Variants in ANKRD26 observed in about 807,000 individuals in gnomAD.
ANKRD26 encodes the protein ankyrin repeat domain-containing protein 26.
ANKRD26 carries 141 observed loss-of-function variants against 208.7 expected under a neutral mutation model. That is an observed-to-expected ratio of 0.68 (90% CI 0.59 to 0.78). ANKRD26 has a LOEUF of 0.78. ANKRD26 is among the 30% of genes least tolerant of loss of function. ANKRD26 has a pLI of 0.00. For synonymous variants in ANKRD26, 636 were observed against 660.4 expected, an observed-to-expected ratio of 0.96 and a Z score of 0.57; for missense variants, 1,889 against 1,938.7, an observed-to-expected ratio of 0.97 and a Z score of 0.48.
intron 27 of ANKRD26, among the ~76,000 whole-genome samples, chr10:27,026,850 A>C (rs760545816): frequency 3.3e-5 from 5 of 151,660 alleles, no homozygotes; most frequent in Admixed American, 6.6e-5. Flanking sequence ...CCAATAGCAC[A>C]ATCTCGTCTC....
At chr10:27,040,806 G>A (rs2135253802) in intron 20 of ANKRD26, among the ~76,000 whole-genome samples, 1 of 152,068 alleles carries the variant, frequency 6.6e-6, no homozygotes, top group East Asian at 1.9e-4. Flanking sequence ...GAGGTGGGCG[G>A]ATCACCTGAG....
chr10:26,975,979 G>T (rs908384174), exon 6 of ANKRD26, among the ~76,000 whole-genome samples: 2 of 151,982 alleles, frequency 1.3e-5, no homozygotes, highest in African/African-American at 4.8e-5. Context: ...CTGGAAAATT[G>T]CATCCTATTC....
intron 5 of ANKRD26, among the ~76,000 whole-genome samples, chr10:27,085,877 C>T (rs1023392857): frequency 2.6e-5 from 4 of 152,144 alleles, no homozygotes; most frequent in African/African-American, 9.7e-5. Flanking sequence ...AACTTCCACT[C>T]AATGAGTAGT....
At chr10:26,968,863 A>T (rs1461298274), downstream of ANKRD26, among the ~76,000 whole-genome samples, 1 of 152,190 alleles carries the variant, frequency 6.6e-6, no homozygotes, top group African/African-American at 2.4e-5. Context: ...ATTAAATTTC[A>T]CCAGTGCCTT....
chr10:26,972,657 C>A (rs2052167565), downstream of ANKRD26, among the ~76,000 whole-genome samples: 1 of 138,376 alleles, frequency 7.2e-6, no homozygotes, highest in South Asian at 2.3e-4. Context: ...GTGGTGTGAT[C>A]TTGGCTCACT....
chr10:27,040,101 C>A lies in ANKRD26; in HGVS notation c.2239G>T (p.Glu747Ter), dbSNP rs752657803. 12 of 1,612,424 alleles carry A rather than the reference C, an allele frequency of 7.4e-6. No homozygotes were observed. Among genetic ancestry groups the A allele is most frequent in the South Asian group, 4.4e-5 (4 of 91,014 alleles). Reference protein sequence around the residue: ...RLLELKKNHCELLTVKIKKME... With the variant: ...RLLELKKNHC ...TTTTTAATTTTTACTGTAAGTAGTT[C>A]ACAGTGATTTTTTTTAAGTTCTAAT... The change falls in exon 21 of 34, where the codon GAA becomes TAA. Residue 747 changes from glutamate (E) to a stop codon, truncating the protein, a stop_gained. Coordinates refer to ENST00000376087, the MANE Select transcript of ANKRD26 (RefSeq NM_014915.3). LOFTEE classifies it high-confidence loss of function.
chr10:27,013,185 T>C, intron 31 of ANKRD26, 75 bp from the exon 32 acceptor site: 1 of 1,331,538 alleles, frequency 7.5e-7, no homozygotes. Context: ...TTGCAATTTT[T>C]AAAAAGTTAC....
the ANKRD26 span, among the ~76,000 whole-genome samples, chr10:26,952,006 T>C: frequency 5.9e-5 from 9 of 152,208 alleles, no homozygotes; most frequent in Non-Finnish European, 1.3e-4. Context: ...GTTTATCTCT[T>C]TTGCAGTCTT....
intron 4 of ANKRD26, among the ~76,000 whole-genome samples, chr10:27,091,745 T>A (rs1246403138): frequency 6.6e-6 from 1 of 152,148 alleles, no homozygotes; most frequent in Non-Finnish European, 1.5e-5. Flanking sequence ...TCCCAGTACT[T>A]TGGAAGGCCA....
At chr10:26,997,084 T>G (rs1257706381) in intron 4 of ANKRD26, among the ~76,000 whole-genome samples, 16 of 151,858 alleles carry the variant, frequency 1.1e-4, no homozygotes. Context: ...ACGGTCATTA[T>G]GGATGTTGAG....
the ANKRD26 span, among the ~76,000 whole-genome samples, chr10:26,960,658 T>C: frequency 1.3e-5 from 2 of 152,264 alleles, no homozygotes; most frequent in African/African-American, 4.8e-5. Flanking sequence ...TTTATTACTC[T>C]TTTGATAATC....
At chr10:26,995,031 A>G (rs1161133731) in intron 5 of ANKRD26, 2 of 470,886 alleles carry the variant, frequency 4.2e-6, no homozygotes, top group Non-Finnish European at 8.8e-6. Context: ...AATCAGACCC[A>G]TCTGCATACC....
At chr10:27,009,826 G>C (rs755542089) in intron 32 of ANKRD26, among the ~76,000 whole-genome samples, 3 of 152,004 alleles carry the variant, frequency 2.0e-5, no homozygotes, top group Non-Finnish European at 4.4e-5. Context: ...AGGTGGCGGA[G>C]GCAGCCTGAG....
intron 20 of ANKRD26, among the ~76,000 whole-genome samples, chr10:27,041,798 T>C (rs1349794998): frequency 6.7e-6 from 1 of 149,730 alleles, no homozygotes; most frequent in Admixed American, 6.6e-5. Flanking sequence ...AGAAAAAAAA[T>C]GTGAAGAAAA....
At chr10:26,964,781 T>C in the ANKRD26 span, among the ~76,000 whole-genome samples, 1 of 152,212 alleles carries the variant, frequency 6.6e-6, no homozygotes, top group African/African-American at 2.4e-5. Flanking sequence ...CATTTAAGGA[T>C]GGATATTAAT....
Position 27,100,127 on chromosome 10 carries a change from A to G in ANKRD26, c.200T>C (p.Leu67Ser). Residue 67 changes from leucine (L) to serine (S), a missense_variant, in exon 1 of 34, where the codon TTG becomes TCG. Leu to Ser is a moderately radical substitution (Grantham distance 145). Around this residue, in one of 3 missense-constraint regions of ANKRD26, gnomAD observed 1,272 missense variants for 1,273.8 expected, o/e 1.00. Transcript: ENST00000376087. Reference sequence around the variant, plus strand: ...ATCGTTCAAGCCATTCTTCCTGAGCAAAAGGATCTGCTGCACTTTCGCCAC... The same window carrying G: ...ATCGTTCAAGCCATTCTTCCTGAGCGAAAGGATCTGCTGCACTTTCGCCAC... ...GNVAKVQQIL[L>S]LRKNGLNDRD... The G allele has an allele frequency of 6.2e-7, 1 of 1,614,152 alleles. No individual in the cohort carries two copies. The highest frequency in any genetic ancestry group is 8.5e-7 in the Non-Finnish European group (1 of 1,179,984).
intron 29 of ANKRD26, among the ~76,000 whole-genome samples, chr10:27,020,662 T>C (rs1185510195): frequency 6.6e-6 from 1 of 152,134 alleles, no homozygotes; most frequent in Admixed American, 6.5e-5. Flanking sequence ...ATACACCACA[T>C]CTTTCTTTTT....
chr10:27,071,609 C>T (rs529076714), intron 9 of ANKRD26, among the ~76,000 whole-genome samples: 2 of 152,148 alleles, frequency 1.3e-5, no homozygotes, highest in African/African-American at 2.4e-5. Context: ...TAGGGATTTG[C>T]GCTGCAAACT....
chr10:27,085,916 T>C (rs2056098922), intron 5 of ANKRD26, among the ~76,000 whole-genome samples: 1 of 152,172 alleles, frequency 6.6e-6, no homozygotes, highest in East Asian at 1.9e-4. Context: ...TTAATGATTT[T>C]CTTAATCATA....
Sources: gnomAD v4.1 joint callset for allele counts (sites outside exome capture counted in the v4.1 genomes callset) on GRCh38, gnomAD v4.1.1 for gene constraint, gnomAD v4.1.1 regional missense constraint, MANE v1.5 for transcripts, NCBI Gene and HGNC (gene_info 2026-07-23, HGNC 2026-07-21) for gene names.